KCTD7: variants seen among roughly 807,000 people sequenced by gnomAD.
KCTD7 encodes potassium channel tetramerization domain containing 7.
Under a neutral mutation model 27.0 loss-of-function variants are expected in KCTD7, and 15 were observed. The ratio of observed to expected loss-of-function variants is 0.56; its 90% CI spans 0.37 to 0.86. KCTD7 has a LOEUF of 0.86. KCTD7 is among the 40% of genes least tolerant of loss of function. KCTD7 has a pLI of 0.00. For synonymous variants in KCTD7, 159 were observed against 162.7 expected, an observed-to-expected ratio of 0.98 and a Z score of 0.17; for missense variants, 299 against 398.9, an observed-to-expected ratio of 0.75 and a Z score of 2.13.
rs1362697719 is a variant in KCTD7, at chr7:66,639,003, G to A, written c.641G>A (p.Arg214Gln). The stretch of plus-strand genomic sequence containing the variant: ...CTCCTCAACTCCCTGCGATTTGAGC[G>A]GAGTGAGAGTGACGGGCAGCTTTTT... ...CPLLNSLRFE[R>Q]SESDGQLFEH... The change falls in exon 4 of 4, where the codon CGG (arginine) becomes CAG (glutamine). Residue 214 changes from arginine (R) to glutamine (Q), a missense_variant. Transcript: ENST00000639828. 1.2e-5 allele frequency: 19 copies of A among 1,614,066 alleles called. No individual in the cohort carries two copies. The highest frequency in any genetic ancestry group is 1.4e-5 in the Non-Finnish European group (17 of 1,180,032).
rs2116775776 is a variant in KCTD7 at position 66,639,173 on chromosome 7, C to G, written c.811C>G (p.Leu271Val). The G allele has an allele frequency of 6.2e-7, 1 of 1,614,066 alleles. No homozygotes were observed. Among genetic ancestry groups the G allele is most frequent in the Non-Finnish European group, 8.5e-7 (1 of 1,180,036 alleles). The change falls in exon 4 of 4, where the codon CTC (leucine) becomes GTC (valine). Residue 271 changes from leucine (L) to valine (V), a missense_variant. By Grantham distance (32) the Leu-to-Val change is conservative. Transcript: ENST00000639828. ...HQCIGVCDKH[L>V]VNHYYCKRPI... ...GTGCATCGGGGTGTGTGACAAGCAC[C>G]TCGTGAACCACTACTACTGCAAGCG...
At chr7:66,634,491 G>T (rs559442565) in intron 2 of KCTD7, among the ~76,000 whole-genome samples, 8 of 152,128 alleles carry the variant, frequency 5.3e-5, no homozygotes, top group African/African-American at 1.9e-4. Flanking sequence ...TCTCCCTTCA[G>T]CCTCCTGAAT....
At chr7:66,632,247 G>A (rs1341687569) in intron 1 of KCTD7, among the ~76,000 whole-genome samples, 1 of 151,430 alleles carries the variant, frequency 6.6e-6, no homozygotes, top group African/African-American at 2.4e-5. Context: ...CAGCACTTGG[G>A]GAGGCCAAGG....
chr7:66,632,558 C>G (rs1786477138), intron 1 of KCTD7, among the ~76,000 whole-genome samples: 1 of 151,156 alleles, frequency 6.6e-6, no homozygotes, highest in Admixed American at 6.6e-5. Context: ...ATGCAGTGAA[C>G]AACCTATAAC....
In KCTD7 at chr7:66,642,299, A is replaced by G. The variant is rs918640551; in HGVS notation, c.*3067A>G. 3.0e-6 allele frequency: 3 copies of G among 985,320 alleles called. No individual in the cohort carries two copies. Among genetic ancestry groups the G allele is most frequent in the Non-Finnish European group, 3.6e-6 (3 of 829,928 alleles). 61.0% of individuals were successfully genotyped at this position (985,320 alleles called of 1,614,324 possible). ...TTCACCAGGCTGCCCAGTGCTTACC[A>G]TGCAGAAAGCAGTCAGCTGTACTCT... On this transcript the variant is annotated 3_prime_UTR_variant, in exon 4 of 4. Coordinates refer to ENST00000639828, the MANE Select transcript of KCTD7 (RefSeq NM_153033.5).
intron 1 of KCTD7, among the ~76,000 whole-genome samples, chr7:66,631,204 A>G (rs751502097): frequency 5.9e-5 from 9 of 152,126 alleles, no homozygotes; most frequent in Non-Finnish European, 1.0e-4. Flanking sequence ...ATGTATTTGT[A>G]CCCTATTTTA....
rs886043127 is a variant in KCTD7 at position 66,639,146 on chromosome 7, C to G, written c.784C>G (p.Gln262Glu). The G allele has an allele frequency of 6.2e-7, 1 of 1,614,172 alleles. No homozygotes were observed. The highest frequency in any genetic ancestry group is 8.5e-7 in the Non-Finnish European group (1 of 1,180,032). Residue 262 changes from glutamine to glutamate, a missense_variant, in exon 4 of 4, where the codon CAG becomes GAG. By Grantham distance (29) the Gln-to-Glu change is conservative (BLOSUM62 2). Coordinates refer to ENST00000639828, the MANE Select transcript of KCTD7 (RefSeq NM_153033.5). ...LSAQGLTVDHQCIGVCDKHLV... is the reference protein window; with the variant it reads ...LSAQGLTVDHECIGVCDKHLV... ...GGCCCAGGGTCTCACCGTGGACCAC[C>G]AGTGCATCGGGGTGTGTGACAAGCA... is the stretch of plus-strand genomic sequence containing the variant.
rs1199170818 is a variant in KCTD7 at position 66,628,988 on chromosome 7, C to T, written c.-77C>T. 7 of 1,409,968 alleles carry T rather than the reference C, an allele frequency of 5.0e-6. No homozygotes were observed. Among genetic ancestry groups the T allele is most frequent in the African/African-American group, 1.5e-5 (1 of 66,624 alleles). 87.3% of individuals were successfully genotyped at this position (1,409,968 alleles called of 1,614,324 possible). A position where few individuals can be genotyped will look rare whatever the true frequency, so the allele number is the denominator to read the frequency against. On this transcript the variant is annotated 5_prime_UTR_variant, in exon 1 of 4. Transcript: ENST00000639828. Reference sequence around the variant, plus strand: ...GCAGCCGGCCGCGTCATGCCAGGCGCTGCTCGGCGGTAGGGAGTGCCCGGG... The same window carrying T: ...GCAGCCGGCCGCGTCATGCCAGGCGTTGCTCGGCGGTAGGGAGTGCCCGGG...
chr7:66,629,341 C>T (rs1420193010), intron 1 of KCTD7, 133 bp downstream of exon 1: 23 of 637,270 alleles, frequency 3.6e-5, no homozygotes, highest in Admixed American at 4.9e-5. Context: ...CGCCCCTCCC[C>T]CGCCCACCTG....
At chr7:66,637,546 AAAC>A (rs1407891519) in intron 2 of KCTD7, among the ~76,000 whole-genome samples, 1 of 152,090 alleles carries the variant, frequency 6.6e-6, no homozygotes, top group South Asian at 2.1e-4. Context: ...AAAAACAAAA[AAAC>A]AAACTACTGG....
At chr7:66,638,665 T>A in intron 3 of KCTD7, 191 bp from the exon 4 acceptor site, 1 of 804,172 alleles carries the variant, frequency 1.2e-6, no homozygotes, top group Non-Finnish European at 2.0e-6. Flanking sequence ...TCCCATTGGC[T>A]TCCCTTTGCT....
intron 2 of KCTD7, among the ~76,000 whole-genome samples, chr7:66,634,117 T>TATATATAC (rs1786521994): frequency 1.5e-5 from 2 of 132,664 alleles, no homozygotes; most frequent in Admixed American, 7.7e-5. Flanking sequence ...TGTATACATA[T>TATATATAC]ATATATATAT....
chr7:66,635,214 G>A (rs1786558919), intron 2 of KCTD7, among the ~76,000 whole-genome samples: 1 of 152,008 alleles, frequency 6.6e-6, no homozygotes, highest in South Asian at 2.1e-4. Flanking sequence ...GTTTCACTAT[G>A]TTGGCCAGGA....
chr7:66,637,168 C>T (rs1264538271), intron 2 of KCTD7, among the ~76,000 whole-genome samples: 1 of 152,216 alleles, frequency 6.6e-6, no homozygotes, highest in Non-Finnish European at 1.5e-5. Context: ...TCACTGCAAC[C>T]TCCACTTCCC....
intron 1 of KCTD7, among the ~76,000 whole-genome samples, chr7:66,630,535 C>T (rs1479243622): frequency 6.6e-6 from 1 of 152,092 alleles, no homozygotes; most frequent in Non-Finnish European, 1.5e-5. Context: ...TATGCGGAGT[C>T]CCAGGACAAT....
Position 66,639,346 on chromosome 7 carries a change from A to T in KCTD7, c.*114A>T, listed in dbSNP as rs907869743. 6.3e-7 allele frequency: 1 copy of T among 1,577,346 alleles called. No homozygotes were observed. Among genetic ancestry groups the T allele is most frequent in the Non-Finnish European group, 8.6e-7 (1 of 1,168,128 alleles). On this transcript the variant is annotated 3_prime_UTR_variant, in exon 4 of 4. Transcript: ENST00000639828. ...TGCCCCAGAATCTGCCGAGGTGAGA[A>T]CAGCATCCTGAGGCACAGCTCCCAG...
chr7:66,628,902 C>G lies in KCTD7; in HGVS notation c.-163C>G. ...CCCCAGCTGGGCGCGAGCGGGTCGG[C>G]GTTGAGGGAGCCACCGCCCTCCCGC... On this transcript the variant is annotated 5_prime_UTR_variant, in exon 1 of 4. Coordinates refer to ENST00000639828, the MANE Select transcript of KCTD7 (RefSeq NM_153033.5). The G allele has an allele frequency of 1.7e-6, 1 of 596,826 alleles. No homozygotes were observed. Among genetic ancestry groups the G allele is most frequent in the South Asian group, 3.6e-5 (1 of 27,496 alleles). 37.0% of individuals were successfully genotyped at this position (596,826 alleles called of 1,614,324 possible).
chr7:66,635,316 C>T (rs544167634), intron 2 of KCTD7, among the ~76,000 whole-genome samples: 39 of 152,226 alleles, frequency 2.6e-4, no homozygotes, highest in African/African-American at 3.9e-4. Context: ...GTGTCCGGCC[C>T]GGCCGAGACT....
intron 2 of KCTD7, among the ~76,000 whole-genome samples, chr7:66,636,152 AG>A (rs1689833349): frequency 6.6e-6 from 1 of 152,222 alleles, no homozygotes; most frequent in Non-Finnish European, 1.5e-5. Flanking sequence ...GGCATTTCGT[AG>A]GGTGCATTTC....
Sources: allele counts gnomAD v4.1 joint callset (sites outside exome capture counted in the v4.1 genomes callset), GRCh38; gene constraint gnomAD v4.1.1; transcripts MANE v1.5; gene names NCBI Gene and HGNC (gene_info 2026-07-23, HGNC 2026-07-21).